Variants in RNF220 observed in about 807,000 individuals in gnomAD.
RNF220 encodes E3 ubiquitin-protein ligase RNF220.
A neutral mutation model predicts 67.1 loss-of-function variants in RNF220; 7 were observed. That is an observed-to-expected ratio of 0.10 (90% CI 0.06 to 0.20). The LOEUF is 0.20. Among genes scored for constraint, RNF220 ranks in the 10% least tolerant of loss-of-function variants. The pLI is 1.00. For synonymous variants in RNF220, 270 were observed against 283.2 expected, an observed-to-expected ratio of 0.95 and a Z score of 0.47; for missense variants, 565 against 740.3, an observed-to-expected ratio of 0.76 and a Z score of 2.75.
intron 2 of RNF220, among the ~76,000 whole-genome samples, chr1:44,560,773 GCTGGTCTTGAAAGC>G (rs1355409715): frequency 6.6e-6 from 1 of 152,050 alleles, no homozygotes; most frequent in Non-Finnish European, 1.5e-5. Context: ...TGTTGGCCAG[GCTGGTCTTGAAAGC>G]CTGACCTCAA....
chr1:44,635,638 G>T (rs779124244), intron 7 of RNF220, 50 bp downstream of exon 7: 2 of 1,614,138 alleles, frequency 1.2e-6, no homozygotes, highest in African/African-American at 1.3e-5. Context: ...CAGGAGATGA[G>T]TAGGCATGTG....
At chr1:44,636,355 T>G (rs1157820519) in intron 8 of RNF220, 193 bp downstream of exon 8, 1 of 777,534 alleles carries the variant, frequency 1.3e-6, no homozygotes, top group Non-Finnish European at 2.3e-6. Context: ...TGGATGTATT[T>G]GGGTGGGGAA....
At position 44,632,338 on chromosome 1, in the gene RNF220, C is replaced by T. The variant is rs1644172316; in HGVS notation, c.907-5C>T. The T allele has an allele frequency of 2.5e-6, 4 of 1,614,036 alleles. No homozygotes were observed. The highest frequency in any genetic ancestry group is 2.5e-6 in the Non-Finnish European group (3 of 1,180,026). On this transcript the variant is annotated splice_region_variant and splice_polypyrimidine_tract_variant and intron_variant, in intron 5 of 14. Coordinates refer to ENST00000361799, the MANE Select transcript of RNF220 (RefSeq NM_018150.4). ...TTCTTGCATCTGCCCGCGATCTTCT[C>T]CCAGACCTTTCTGCGAGTACGAGCC... is the stretch of plus-strand genomic sequence containing the variant.
intron 5 of RNF220, 48 bp from the exon 6 acceptor site, chr1:44,632,295 C>T (rs758994545): frequency 1.2e-6 from 2 of 1,614,004 alleles, no homozygotes; most frequent in Non-Finnish European, 1.7e-6. Flanking sequence ...CAGGCCGCGC[C>T]TGACGCTCTC....
chr1:44,635,332 G>A lies in RNF220; in HGVS notation c.950-213G>A, dbSNP rs558731448. ...CAGCCAAAGAGTGGACTTACTCACT[G>A]GCTTAGTTAGCACCAGTCTCCTCCC... On this transcript the variant is annotated intron_variant, in intron 6 of 14. Coordinates refer to ENST00000361799, the MANE Select transcript of RNF220 (RefSeq NM_018150.4). 5 of 587,412 alleles carry A rather than the reference G, an allele frequency of 8.5e-6. No homozygotes were observed. In the South Asian group the frequency reaches 1.0e-4, roughly 12 times the overall value. The allele number at this position is 587,412 out of a possible 1,614,324, so 36.4% of individuals were successfully genotyped here.
intron 2 of RNF220, among the ~76,000 whole-genome samples, chr1:44,484,571 C>T (rs1040455233): frequency 9.2e-5 from 14 of 152,012 alleles, no homozygotes; most frequent in African/African-American, 3.4e-4. Flanking sequence ...CTGGCAGAGG[C>T]CACTCCATGA....
chr1:44,629,420 C>T (rs1254565967), intron 5 of RNF220, among the ~76,000 whole-genome samples: 1 of 152,250 alleles, frequency 6.6e-6, no homozygotes, highest in Non-Finnish European at 1.5e-5. Context: ...TCTTATCCTT[C>T]CTTTACTCAA....
intron 2 of RNF220, among the ~76,000 whole-genome samples, chr1:44,427,115 A>C (rs756053100): frequency 2.8e-4 from 43 of 152,186 alleles, no homozygotes; most frequent in Non-Finnish European, 4.4e-5. Flanking sequence ...CCTACGAGAT[A>C]GGTGTTATCT....
At chr1:44,443,507 A>G (rs1651770394) in intron 2 of RNF220, among the ~76,000 whole-genome samples, 1 of 152,160 alleles carries the variant, frequency 6.6e-6, no homozygotes, top group Admixed American at 6.5e-5. Context: ...TAACATGCAG[A>G]CTTGTTCATG....
intron 2 of RNF220, among the ~76,000 whole-genome samples, chr1:44,522,277 C>T (rs1489199196): frequency 2.0e-5 from 3 of 152,244 alleles, no homozygotes; most frequent in Non-Finnish European, 2.9e-5. Context: ...TTGGACAAAT[C>T]GCTGAACTTC....
At chr1:44,635,058 G>A (rs1417991700) in intron 6 of RNF220, among the ~76,000 whole-genome samples, 1 of 152,212 alleles carries the variant, frequency 6.6e-6, no homozygotes, top group Non-Finnish European at 1.5e-5. Flanking sequence ...GCTAGGAGCT[G>A]TACCTCAGGG....
intron 5 of RNF220, 149 bp from the exon 6 acceptor site, chr1:44,632,194 G>C: frequency 1.3e-6 from 2 of 1,589,276 alleles, no homozygotes; most frequent in African/African-American, 2.7e-5. Flanking sequence ...CAGAGGGGCC[G>C]GCGGGAGGGA....
intron 2 of RNF220, among the ~76,000 whole-genome samples, chr1:44,488,503 T>C (rs1329023563): frequency 1.3e-5 from 2 of 152,060 alleles, no homozygotes; most frequent in Non-Finnish European, 2.9e-5. Flanking sequence ...TTACTAGAGA[T>C]GGGGTATTGC....
chr1:44,439,881 G>A lies in RNF220; in HGVS notation c.625+27159G>A, dbSNP rs567717201. 1.9e-4 allele frequency among the ~76,000 whole-genome samples: 29 copies of A among 152,318 alleles called. No homozygotes were observed. The East Asian group carries it at 5.2e-3, about 27-fold the overall frequency. ...AGTGGAAAATACAGACAGACCAGTC[G>A]TTGAAATAAAATGTGATGAGTGAGA... On this transcript the variant is annotated intron_variant, in intron 2 of 14. Transcript: ENST00000361799.
chr1:44,497,004 G>A (rs909216905), intron 2 of RNF220, among the ~76,000 whole-genome samples: 2 of 152,126 alleles, frequency 1.3e-5, no homozygotes, highest in Admixed American at 6.5e-5. Context: ...CAAAGGTGAA[G>A]AGTCCTGGCC....
intron 2 of RNF220, among the ~76,000 whole-genome samples, chr1:44,547,769 T>C (rs530580447): frequency 2.0e-5 from 3 of 152,122 alleles, no homozygotes; most frequent in Non-Finnish European, 4.4e-5. Flanking sequence ...CATCTCAAAA[T>C]TCAATCCGCC....
Position 44,565,404 on chromosome 1 carries a change from G to T in RNF220, c.626-48761G>T, listed in dbSNP as rs1663921498. Among the ~76,000 whole-genome samples the T allele has an allele frequency of 6.6e-6, 1 of 152,208 alleles. No individual in the cohort carries two copies. ...GTCGGGCAAGCACCTCAGCCAGGGA[G>T]TAATGGAGTTAGGGAGGAAGGGCCC... On this transcript the variant is annotated intron_variant, in intron 2 of 14. Transcript: ENST00000361799. This position sits in a 1 kb window ranked among gnomAD's most constrained non-coding sequence, Gnocchi z 4.2.
chr1:44,448,919 T>C (rs1215234128), intron 2 of RNF220, among the ~76,000 whole-genome samples: 2 of 152,366 alleles, frequency 1.3e-5, no homozygotes, highest in East Asian at 3.9e-4. Flanking sequence ...TTATTGAGTA[T>C]TGGCCTCCCA....
chr1:44,633,157 C>G (rs901135964), intron 6 of RNF220, among the ~76,000 whole-genome samples: 5 of 152,200 alleles, frequency 3.3e-5, no homozygotes, highest in Non-Finnish European at 7.3e-5. Context: ...TTGGTTTCTG[C>G]TGCCAGGCTG....
Sources: allele counts gnomAD v4.1 joint callset (sites outside exome capture counted in the v4.1 genomes callset), GRCh38; gene constraint gnomAD v4.1.1; non-coding constraint Gnocchi (gnomAD v3.1); transcripts MANE v1.5; gene names NCBI Gene and HGNC (gene_info 2026-07-23, HGNC 2026-07-21).